Variants in PARD3B observed in about 807,000 individuals in gnomAD.
PARD3B encodes the protein par-3 family cell polarity regulator beta, also known as partitioning defective 3 homolog B.
Under a neutral mutation model 130.2 loss-of-function variants are expected in PARD3B, and 103 were observed. The observed-to-expected ratio is 0.79, with a 90% CI of 0.67 to 0.93. The LOEUF (loss-of-function observed/expected upper bound fraction) is 0.93, where lower values mean the gene tolerates loss of function less well. Ranked by LOEUF, PARD3B falls within the 40% of genes least tolerant of loss-of-function variation. The pLI, the probability that PARD3B is intolerant of heterozygous loss-of-function variation, is 0.00. For synonymous variants in PARD3B, 583 were observed against 553.2 expected, an observed-to-expected ratio of 1.05 and a Z score of -0.76; for missense variants, 1,609 against 1,499.2, an observed-to-expected ratio of 1.07 and a Z score of -1.21.
intron 2 of PARD3B, among the ~76,000 whole-genome samples, chr2:204,816,633 G>GC (rs2043156893): frequency 6.6e-6 from 1 of 150,812 alleles, no homozygotes. Context: ...TTGTTCCTCT[G>GC]CAAAAAAATG....
intron 21 of PARD3B, among the ~76,000 whole-genome samples, chr2:205,511,584 A>G (rs566876987): frequency 2.6e-4 from 40 of 152,310 alleles, no homozygotes; most frequent in Middle Eastern, 6.8e-3. Flanking sequence ...AAGAAAACCT[A>G]TAGCAGAAAC....
At chr2:205,032,727 G>A (rs1697513590) in intron 3 of PARD3B, among the ~76,000 whole-genome samples, 1 of 152,170 alleles carries the variant, frequency 6.6e-6, no homozygotes, top group Non-Finnish European at 1.5e-5. Flanking sequence ...GAGGCACATA[G>A]GCTTTGGAAT....
intron 2 of PARD3B, among the ~76,000 whole-genome samples, chr2:204,752,940 G>A (rs2040522561): frequency 6.6e-6 from 1 of 152,162 alleles, no homozygotes; most frequent in Admixed American, 6.6e-5. Context: ...TACAATTTGT[G>A]ACACTGGTTT....
At chr2:205,040,911 A>G (rs1698352589) in intron 3 of PARD3B, among the ~76,000 whole-genome samples, 1 of 152,126 alleles carries the variant, frequency 6.6e-6, no homozygotes, top group Non-Finnish European at 1.5e-5. Flanking sequence ...CCAGCCCCCT[A>G]AAGAGGAGTC....
intron 16 of PARD3B, chr2:205,293,799 G>A (rs2041693984): frequency 6.6e-6 from 1 of 152,146 alleles, no homozygotes; most frequent in Non-Finnish European, 1.5e-5. Flanking sequence ...AAGAAAAGGG[G>A]CATCCCAGTG....
chr2:204,611,780 C>T (rs76825308), intron 1 of PARD3B, among the ~76,000 whole-genome samples: 261 of 152,206 alleles, frequency 1.7e-3, no homozygotes, highest in African/African-American at 5.5e-3. Flanking sequence ...AATCCATTTG[C>T]GTACATCCCA....
At chr2:205,457,563 T>C (rs1001006079) in intron 20 of PARD3B, among the ~76,000 whole-genome samples, 1 of 152,082 alleles carries the variant, frequency 6.6e-6, no homozygotes, top group Non-Finnish European at 1.5e-5. Context: ...AGAATACTTT[T>C]CCTTTTTTCC....
intron 1 of PARD3B, among the ~76,000 whole-genome samples, chr2:204,573,372 C>T (rs770614077): frequency 6.6e-6 from 1 of 152,144 alleles, no homozygotes; most frequent in Non-Finnish European, 1.5e-5. Flanking sequence ...AGTATGTATG[C>T]GTGACCTCAT....
intron 1 of PARD3B, among the ~76,000 whole-genome samples, chr2:204,657,639 C>A (rs1574632030): frequency 1.3e-5 from 2 of 152,142 alleles, no homozygotes; most frequent in Non-Finnish European, 2.9e-5. Context: ...TTGGCTTATA[C>A]AAGCCATACG....
intron 15 of PARD3B, among the ~76,000 whole-genome samples, chr2:205,197,053 G>A (rs369897093): frequency 0.093 from 13,829 of 148,918 alleles, 874 homozygotes; most frequent in South Asian, 0.13. Flanking sequence ...GTGTGTGTGT[G>A]TGTGTGTGTG....
At chr2:205,255,605 A>G (rs1198170911) in intron 16 of PARD3B, among the ~76,000 whole-genome samples, 3 of 152,142 alleles carry the variant, frequency 2.0e-5, no homozygotes, top group Non-Finnish European at 4.4e-5. Context: ...GCTGTAATTC[A>G]CAGTTCCCAT....
intron 3 of PARD3B, among the ~76,000 whole-genome samples, chr2:205,032,721 C>T (rs920480281): frequency 6.6e-6 from 1 of 152,136 alleles, no homozygotes; most frequent in Non-Finnish European, 1.5e-5. Context: ...GCATTTGAGG[C>T]ACATAGGCTT....
chr2:205,368,718 A>T (rs958692780), intron 18 of PARD3B, among the ~76,000 whole-genome samples: 8 of 152,152 alleles, frequency 5.3e-5, no homozygotes, highest in Admixed American at 2.6e-4. Flanking sequence ...TATCATTGTG[A>T]TCTTACTTTT....
intron 1 of PARD3B, among the ~76,000 whole-genome samples, chr2:204,564,062 C>T (rs2125060211): frequency 6.6e-6 from 1 of 152,308 alleles, no homozygotes; most frequent in East Asian, 1.9e-4. Flanking sequence ...GCGTGAGCCA[C>T]TGCGCCCGGC....
At chr2:204,715,762 C>T (rs1336848397) in intron 2 of PARD3B, among the ~76,000 whole-genome samples, 1 of 152,158 alleles carries the variant, frequency 6.6e-6, no homozygotes, top group African/African-American at 2.4e-5. Context: ...CTTCTTTCTC[C>T]CTTTACTGCC....
Position 205,158,461 on chromosome 2 carries a change from A to G in PARD3B, c.1435-261A>G, listed in dbSNP as rs143688582. ...AGGCTTGCGAGGTGTTTCAGATTGC[A>G]TCGCTCTGACTTGCCAAACGATCCT... On this transcript the variant is annotated intron_variant, in intron 10 of 22. Coordinates refer to ENST00000406610, the MANE Select transcript of PARD3B (RefSeq NM_001302769.2). The surrounding 1 kb of genome is among the most constrained non-coding windows in gnomAD (Gnocchi z 5.4). Among the ~76,000 whole-genome samples, 157 of 152,290 alleles carry G rather than the reference A, an allele frequency of 1.0e-3. 1 individual carries two copies. Among genetic ancestry groups the G allele is most frequent in the African/African-American group, 3.5e-3 (144 of 41,570 alleles).
chr2:205,353,606 A>G (rs2044071950), intron 18 of PARD3B, among the ~76,000 whole-genome samples: 1 of 152,216 alleles, frequency 6.6e-6, no homozygotes, highest in Non-Finnish European at 1.5e-5. Flanking sequence ...TTATTTTAGA[A>G]TTGTTGAGAA....
chr2:205,445,053 G>T (rs955825516), intron 20 of PARD3B, among the ~76,000 whole-genome samples: 7 of 152,118 alleles, frequency 4.6e-5, no homozygotes, highest in Non-Finnish European at 1.0e-4. Flanking sequence ...TGGAAAAGTT[G>T]CAGCTTTGAA....
At chr2:204,706,366 C>CAA (rs796492468) in intron 2 of PARD3B, among the ~76,000 whole-genome samples, 2,604 of 87,262 alleles carry the variant, frequency 0.03, 33 homozygotes, top group Middle Eastern at 0.15. Flanking sequence ...GACTCTGTCT[C>CAA]AAAAAAAAAA....
Sources: gnomAD v4.1 joint callset for allele counts (sites outside exome capture counted in the v4.1 genomes callset) on GRCh38, gnomAD v4.1.1 for gene constraint, Gnocchi (gnomAD v3.1) non-coding constraint, MANE v1.5 for transcripts, NCBI Gene and HGNC (gene_info 2026-07-23, HGNC 2026-07-21) for gene names.